Variants in CNTNAP3B observed in about 807,000 individuals in gnomAD.
The protein encoded by CNTNAP3B is contactin-associated protein-like 3B.
Under a neutral mutation model 108.9 loss-of-function variants are expected in CNTNAP3B, and 25 were observed. That is an observed-to-expected ratio of 0.23 (90% CI 0.17 to 0.32). The LOEUF is 0.32. Among genes scored for constraint, CNTNAP3B ranks in the 10% least tolerant of loss-of-function variants. The pLI is 1.00. For synonymous variants in CNTNAP3B, 103 were observed against 473.4 expected (o/e 0.22, Z 10.16); for missense variants, 252 against 1,210.4 (o/e 0.21, Z 11.75).
chr9:41,934,122 T>TATATATATATATATATATATATACAC (rs1214326050), intron 14 of CNTNAP3B, among the ~76,000 whole-genome samples: 122 of 73,060 alleles, frequency 1.7e-3, no homozygotes, highest in African/African-American at 6.0e-3. Context: ...TATATATATA[T>TATATATATATATATATATATATACAC]ACACACACAT....
At chr9:41,973,100 G>A (rs1312730227) in intron 9 of CNTNAP3B, among the ~76,000 whole-genome samples, 1 of 136,962 alleles carries the variant, frequency 7.3e-6, no homozygotes, top group Non-Finnish European at 1.5e-5. Context: ...ACCATGCCCT[G>A]CTAATTTTTT....
Position 41,931,232 on chromosome 9 carries a change from TG to T in CNTNAP3B, c.2238-1789del, listed in dbSNP as rs1823969465. Among the ~76,000 whole-genome samples the T allele has an allele frequency of 3.9e-5, 6 of 152,282 alleles. No individual in the cohort carries two copies. The South Asian group carries it at 1.2e-3, about 32-fold the overall frequency. ...GAGTTGTACATATACTGGGGGCACA[TG>T]TGCTATTTTGATACTAGAATACAAT... On this transcript the variant is annotated intron_variant, in intron 14 of 23. Transcript: ENST00000377561.
At chr9:41,956,338 A>G (rs1199965718) in intron 12 of CNTNAP3B, among the ~76,000 whole-genome samples, 1 of 152,020 alleles carries the variant, frequency 6.6e-6, no homozygotes, top group African/African-American at 2.4e-5. Context: ...GTGAGCCGAG[A>G]TCGTGCCACT....
intron 13 of CNTNAP3B, among the ~76,000 whole-genome samples, chr9:41,942,029 C>A (rs1006961008): frequency 6.6e-6 from 1 of 152,304 alleles, no homozygotes. Flanking sequence ...TTTACTAGAG[C>A]CTAAACCACC....
chr9:41,979,093 G>A (rs1248425569), intron 9 of CNTNAP3B, among the ~76,000 whole-genome samples: 1 of 136,392 alleles, frequency 7.3e-6, no homozygotes. Context: ...AACAGTCTAG[G>A]CCTCTGTCTT....
intron 13 of CNTNAP3B, among the ~76,000 whole-genome samples, chr9:41,944,419 G>A (rs1222045837): frequency 1.3e-5 from 2 of 151,850 alleles, no homozygotes; most frequent in Non-Finnish European, 2.9e-5. Flanking sequence ...AGAAGGATTG[G>A]AAATGCTGTG....
intron 3 of CNTNAP3B, among the ~76,000 whole-genome samples, chr9:42,070,808 A>G (rs1297965047): frequency 2.0e-5 from 3 of 152,094 alleles, no homozygotes; most frequent in Non-Finnish European, 2.9e-5. Context: ...CCCGGAAAAT[A>G]AAGATAACAA....
At chr9:41,968,889 C>T (rs1232425145) in intron 10 of CNTNAP3B, among the ~76,000 whole-genome samples, 11 of 152,122 alleles carry the variant, frequency 7.2e-5, no homozygotes, top group East Asian at 1.9e-4. Flanking sequence ...CTCCGCCTCC[C>T]GGGTTCACGC....
chr9:41,966,372 T>C (rs1178216155), intron 10 of CNTNAP3B, among the ~76,000 whole-genome samples: 492 of 152,270 alleles, frequency 3.2e-3, no homozygotes, highest in African/African-American at 0.011. Flanking sequence ...TATCAACATG[T>C]ATACACTATT....
At position 42,124,553 on chromosome 9, in the gene CNTNAP3B, T is replaced by C. The variant is rs1828527496; in HGVS notation, c.85+4457A>G. 1.6e-5 allele frequency among the ~76,000 whole-genome samples: 2 copies of C among 125,768 alleles called. 1 individual carries two copies. The highest frequency in any genetic ancestry group is 3.3e-5 in the Non-Finnish European group (2 of 60,484). 82.5% of individuals were successfully genotyped at this position (125,768 alleles called of 152,430 possible). On this transcript the variant is annotated intron_variant, in intron 1 of 23. Coordinates refer to ENST00000377561, the MANE Select transcript of CNTNAP3B (RefSeq NM_001201380.3). ...AGCAGACTTGACATGTGCACAGTCA[T>C]GTACAACCAAGCGTTTGCAAATGCT... is the stretch of plus-strand genomic sequence containing the variant.
chr9:42,024,592 G>C (rs1353844294), intron 3 of CNTNAP3B, among the ~76,000 whole-genome samples: 1 of 114,230 alleles, frequency 8.8e-6, no homozygotes, highest in African/African-American at 3.5e-5. Context: ...CAGACAGAAG[G>C]TTGTCCGGAG....
At chr9:41,944,750 A>T (rs1824473372) in intron 13 of CNTNAP3B, among the ~76,000 whole-genome samples, 1 of 152,288 alleles carries the variant, frequency 6.6e-6, no homozygotes, top group Non-Finnish European at 1.5e-5. Context: ...AATGGCAACA[A>T]AAGCCAAAAT....
At chr9:42,041,980 G>T (rs1375351483) in intron 3 of CNTNAP3B, among the ~76,000 whole-genome samples, 1 of 112,698 alleles carries the variant, frequency 8.9e-6, no homozygotes, top group African/African-American at 3.5e-5. Context: ...GCAAACTATA[G>T]CAAGGACAGA....
chr9:42,126,595 G>A lies in CNTNAP3B; in HGVS notation c.85+2415C>T, dbSNP rs1457419121. Among the ~76,000 whole-genome samples the A allele has an allele frequency of 3.0e-5, 4 of 135,458 alleles. 1 individual carries two copies. Among genetic ancestry groups the A allele is most frequent in the Non-Finnish European group, 3.1e-5 (2 of 63,888 alleles). 88.9% of individuals were successfully genotyped at this position (135,458 alleles called of 152,430 possible). On this transcript the variant is annotated intron_variant, in intron 1 of 23. Coordinates refer to ENST00000377561, the MANE Select transcript of CNTNAP3B (RefSeq NM_001201380.3). ...TTTTTTTTTTGAGACGGAGTTTTGC[G>A]TTTTGCTCTTGTTGCCCAGGCTGGA...
intron 11 of CNTNAP3B, among the ~76,000 whole-genome samples, chr9:41,963,027 A>C (rs1457076621): frequency 2.6e-5 from 4 of 152,222 alleles, no homozygotes; most frequent in African/African-American, 7.2e-5. Flanking sequence ...CTTCTAGTAC[A>C]AAAATCATAC....
At chr9:42,121,774 T>A (rs1828468860) in intron 1 of CNTNAP3B, among the ~76,000 whole-genome samples, 1 of 140,324 alleles carries the variant, frequency 7.1e-6, no homozygotes, top group Non-Finnish European at 1.5e-5. Flanking sequence ...CATGTTATAA[T>A]TATATTCATG....
At chr9:42,047,385 A>C (rs1363279281) in intron 3 of CNTNAP3B, among the ~76,000 whole-genome samples, 1 of 134,234 alleles carries the variant, frequency 7.4e-6, no homozygotes, top group Admixed American at 7.5e-5. Context: ...AGCTAAAATC[A>C]GGAGGAAAAA....
intron 18 of CNTNAP3B, among the ~76,000 whole-genome samples, chr9:41,919,003 G>A (rs1408250005): frequency 2.6e-5 from 4 of 152,324 alleles, no homozygotes; most frequent in Admixed American, 2.6e-4. Context: ...TAACAGCCCA[G>A]AGACACTTAA....
At chr9:42,088,836 C>T (rs1317349051) in intron 2 of CNTNAP3B, among the ~76,000 whole-genome samples, 2 of 139,260 alleles carry the variant, frequency 1.4e-5, no homozygotes, top group Non-Finnish European at 3.1e-5. Context: ...TGTAAATTGG[C>T]ACATCTAACA....
Sources: allele counts gnomAD v4.1 joint callset (sites outside exome capture counted in the v4.1 genomes callset), GRCh38; gene constraint gnomAD v4.1.1; transcripts MANE v1.5; gene names NCBI Gene and HGNC (gene_info 2026-07-23, HGNC 2026-07-21).